The following SGMS1 variants were observed in gnomAD, a reference collection of about 807,000 sequenced individuals.
The protein encoded by SGMS1 is phosphatidylcholine:ceramide cholinephosphotransferase 1.
A neutral mutation model predicts 46.2 loss-of-function variants in SGMS1; 13 were observed. That is an observed-to-expected ratio of 0.28 (90% CI 0.18 to 0.45). The LOEUF is 0.45. SGMS1 is among the 20% of genes least tolerant of loss of function. SGMS1 has a pLI of 1.00. For missense variants in SGMS1, 324 were observed against 519.9 expected, an observed-to-expected ratio of 0.62 and a Z score of 3.66; for synonymous variants, 203 against 187.8, an observed-to-expected ratio of 1.08 and a Z score of -0.66.
chr10:50,615,714 C>G (rs1347704046), intron 1 of SGMS1, among the ~76,000 whole-genome samples: 1 of 152,190 alleles, frequency 6.6e-6, no homozygotes. Context: ...GCCCTCAAGG[C>G]TCCCAACAGA....
At chr10:50,312,828 C>A (rs766268296) in intron 8 of SGMS1, among the ~76,000 whole-genome samples, 2 of 152,116 alleles carry the variant, frequency 1.3e-5, no homozygotes, top group South Asian at 4.1e-4. Context: ...GGACTCACTA[C>A]GATGCCAAAA....
At chr10:50,349,374 T>A (rs1173658879) in intron 6 of SGMS1, among the ~76,000 whole-genome samples, 1 of 152,246 alleles carries the variant, frequency 6.6e-6, no homozygotes, top group African/African-American at 2.4e-5. Context: ...TACAATTTAA[T>A]GGTCTTATGT....
At chr10:50,397,527 C>T (rs1053257766) in intron 6 of SGMS1, among the ~76,000 whole-genome samples, 7 of 152,040 alleles carry the variant, frequency 4.6e-5, no homozygotes, top group Non-Finnish European at 1.0e-4. Context: ...ACTCTCTCGC[C>T]GAGAGAGAAA....
rs1225786708 is a variant in SGMS1, at chr10:50,305,687, G to C, written c.*1455C>G. The C allele has an allele frequency of 6.6e-6, 1 of 152,534 alleles. No individual in the cohort carries two copies. Among genetic ancestry groups the C allele is most frequent in the African/African-American group, 2.4e-5 (1 of 41,386 alleles). 9.4% of individuals were successfully genotyped at this position (152,534 alleles called of 1,614,324 possible). A position where few individuals can be genotyped will look rare whatever the true frequency, so the allele number is the denominator to read the frequency against. The stretch of plus-strand genomic sequence containing the variant: ...CTGTAAGATACCAGTATACTCTCTG[G>C]AATAATAACTTTACAAAGATTTAAA... On this transcript the variant is annotated 3_prime_UTR_variant, in exon 11 of 11. Transcript: ENST00000361781.
At chr10:50,622,777 G>C (rs1390215221) in intron 1 of SGMS1, among the ~76,000 whole-genome samples, 1 of 152,230 alleles carries the variant, frequency 6.6e-6, no homozygotes, top group Non-Finnish European at 1.5e-5. Context: ...GAGGAAAGCA[G>C]CATTCACCAG....
upstream of SGMS1, chr10:50,624,494 G>GAA: frequency 1.5e-6 from 1 of 687,294 alleles, no homozygotes; most frequent in Non-Finnish European, 1.8e-6. Flanking sequence ...TCCCACAACA[G>GAA]AAAAAAAAAG....
intron 1 of SGMS1, among the ~76,000 whole-genome samples, chr10:50,616,780 A>G (rs375456539): frequency 2.0e-5 from 3 of 152,232 alleles, no homozygotes; most frequent in African/African-American, 7.2e-5. Context: ...TGTTATCATG[A>G]CAGAGAAAAT....
intron 2 of SGMS1, among the ~76,000 whole-genome samples, chr10:50,566,445 G>A (rs887485744): frequency 1.3e-5 from 2 of 152,174 alleles, no homozygotes; most frequent in Admixed American, 6.5e-5. Context: ...TCTGTTGACA[G>A]CTTCTTCTGT....
intron 5 of SGMS1, among the ~76,000 whole-genome samples, chr10:50,435,803 T>C (rs1446453532): frequency 1.3e-5 from 2 of 152,292 alleles, no homozygotes; most frequent in Admixed American, 6.5e-5. Flanking sequence ...GGTGAACGCA[T>C]ACTAACTTTA....
intron 2 of SGMS1, among the ~76,000 whole-genome samples, chr10:50,570,603 A>C (rs1838328597): frequency 6.6e-6 from 1 of 152,158 alleles, no homozygotes; most frequent in South Asian, 2.1e-4. Context: ...GGTCCTAATA[A>C]CATAGTATTG....
intron 2 of SGMS1, among the ~76,000 whole-genome samples, chr10:50,543,171 C>T (rs1358550154): frequency 6.6e-6 from 1 of 152,076 alleles, no homozygotes; most frequent in African/African-American, 2.4e-5. Flanking sequence ...ATTTCCATTA[C>T]AATATGCTCA....
intron 6 of SGMS1, among the ~76,000 whole-genome samples, chr10:50,403,843 A>G (rs1848974642): frequency 6.6e-6 from 1 of 151,220 alleles, no homozygotes; most frequent in Admixed American, 6.6e-5. Flanking sequence ...TTTAGCCCCA[A>G]ACTACAACTA....
chr10:50,446,828 T>C (rs1395351898), intron 5 of SGMS1, among the ~76,000 whole-genome samples: 1 of 152,204 alleles, frequency 6.6e-6, no homozygotes, highest in Non-Finnish European at 1.5e-5. Flanking sequence ...AATTTGTACA[T>C]TGTATAAATT....
rs142778935 is a variant in SGMS1, at chr10:50,307,969, C to T, written c.1062+13G>A. 8.7e-4 allele frequency: 1,405 copies of T among 1,612,760 alleles called. 4 individuals carry two copies. The highest frequency in any genetic ancestry group is 7.0e-3 in the African/African-American group (527 of 74,950). On this transcript the variant is annotated intron_variant, in intron 10 of 10. Coordinates refer to ENST00000361781, the MANE Select transcript of SGMS1 (RefSeq NM_147156.4). The surrounding 1 kb of genome is among the most constrained non-coding windows in gnomAD (Gnocchi z 4.2). ...AAACAACAGAAGCTAAAATCAAAAG[C>T]GGGGAAACTCACTTGCTGATTGGCC...
intron 1 of SGMS1, among the ~76,000 whole-genome samples, chr10:50,596,305 T>C (rs1393183290): frequency 6.6e-6 from 1 of 151,882 alleles, no homozygotes; most frequent in Non-Finnish European, 1.5e-5. Context: ...GCCTCCCGAA[T>C]AGCTGGGATT....
chr10:50,367,018 A>C (rs1051972872), intron 6 of SGMS1, among the ~76,000 whole-genome samples: 16 of 152,224 alleles, frequency 1.1e-4, no homozygotes, highest in African/African-American at 3.1e-4. Flanking sequence ...TATGCAGCCA[A>C]TAAACATATG....
chr10:50,514,131 C>T (rs1482708501), intron 3 of SGMS1, among the ~76,000 whole-genome samples: 1 of 152,152 alleles, frequency 6.6e-6, no homozygotes, highest in Non-Finnish European at 1.5e-5. Flanking sequence ...GGCAATTACG[C>T]CTGTGCCAAC....
chr10:50,427,056 T>A (rs1262701860), intron 6 of SGMS1, among the ~76,000 whole-genome samples: 3 of 152,326 alleles, frequency 2.0e-5, no homozygotes, highest in African/African-American at 7.2e-5. Context: ...GTTGTAATAG[T>A]ATGTTAAGCA....
chr10:50,560,335 A>ATT (rs1360000494), intron 2 of SGMS1, among the ~76,000 whole-genome samples: 5 of 135,516 alleles, frequency 3.7e-5, no homozygotes, highest in African/African-American at 1.1e-4. Flanking sequence ...ATATATTATT[A>ATT]ATATTATTAA....
Sources: gnomAD v4.1 joint callset for allele counts (sites outside exome capture counted in the v4.1 genomes callset) on GRCh38, gnomAD v4.1.1 for gene constraint, Gnocchi (gnomAD v3.1) non-coding constraint, MANE v1.5 for transcripts, NCBI Gene and HGNC (gene_info 2026-07-23, HGNC 2026-07-21) for gene names.